ZC3H18: variants seen among roughly 807,000 people sequenced by gnomAD.
The protein encoded by ZC3H18 is zinc finger CCCH-type containing 18.
ZC3H18 carries 8 observed loss-of-function variants against 106.1 expected under a neutral mutation model. That is an observed-to-expected ratio of 0.08 (90% CI 0.04 to 0.14). ZC3H18 has a LOEUF of 0.14. ZC3H18 is among the 10% of genes least tolerant of loss of function. The pLI is 1.00. For missense variants in ZC3H18, 1,318 were observed against 1,278.4 expected (o/e 1.03, Z -0.47); for synonymous variants, 635 against 522.1 (o/e 1.22, Z -2.95).
At chr16:88,622,105 T>G in intron 8 of ZC3H18, 92 bp from the exon 9 acceptor site, 107 of 1,402,050 alleles carry the variant, frequency 7.6e-5, no homozygotes, top group Non-Finnish European at 9.2e-5. Context: ...AAGCCAGGTA[T>G]GAGATCCATA....
chr16:88,607,223 C>G (rs534454712), intron 6 of ZC3H18, among the ~76,000 whole-genome samples: 1 of 152,256 alleles, frequency 6.6e-6, no homozygotes, highest in East Asian at 1.9e-4. Flanking sequence ...GACCTCCTGC[C>G]TCCTCCTTCT....
intron 6 of ZC3H18, among the ~76,000 whole-genome samples, chr16:88,601,361 C>G (rs1904741713): frequency 6.6e-6 from 1 of 152,180 alleles, no homozygotes; most frequent in African/African-American, 2.4e-5. Context: ...TTCCCCAGAG[C>G]TCGTGTGCAC....
chr16:88,608,168 T>C (rs932153793), intron 6 of ZC3H18, among the ~76,000 whole-genome samples: 14 of 152,224 alleles, frequency 9.2e-5, no homozygotes, highest in African/African-American at 3.1e-4. Context: ...CTCCTTGTTT[T>C]CGTGTTCTTG....
chr16:88,596,650 T>C (rs1904454681), intron 3 of ZC3H18, among the ~76,000 whole-genome samples: 1 of 151,690 alleles, frequency 6.6e-6, no homozygotes, highest in African/African-American at 2.4e-5. Context: ...AGACTCCATC[T>C]GAAAAAAAAA....
chr16:88,630,272 C>T (rs909233536), intron 16 of ZC3H18: 1 of 509,810 alleles, frequency 2.0e-6, no homozygotes, highest in Non-Finnish European at 3.5e-6. Context: ...AACCTGGGGC[C>T]CAGGTTTGGC....
At chr16:88,625,546 T>A in intron 13 of ZC3H18, 1 of 461,650 alleles carries the variant, frequency 2.2e-6, no homozygotes, top group Non-Finnish European at 4.0e-6. Flanking sequence ...GCTGACTTGA[T>A]GCCCAGCACC....
At chr16:88,594,825 C>T (rs1904344744) in intron 3 of ZC3H18, among the ~76,000 whole-genome samples, 1 of 152,010 alleles carries the variant, frequency 6.6e-6, no homozygotes, top group South Asian at 2.1e-4. Flanking sequence ...TAAAATAATA[C>T]AGTGTTTACA....
chr16:88,577,807 G>A, intron 2 of ZC3H18, 81 bp downstream of exon 2: 1 of 1,602,480 alleles, frequency 6.2e-7, no homozygotes, highest in Non-Finnish European at 8.5e-7. Flanking sequence ...GAGGGACTCT[G>A]TGTGGGACTG....
chr16:88,615,894 ACTT>A (rs1905570522), intron 8 of ZC3H18, among the ~76,000 whole-genome samples: 1 of 152,184 alleles, frequency 6.6e-6, no homozygotes, highest in Non-Finnish European at 1.5e-5. Context: ...ACAAGAATGT[ACTT>A]CTGGAGTACG....
At chr16:88,597,833 G>A (rs1429956138) in intron 3 of ZC3H18, among the ~76,000 whole-genome samples, 1 of 152,232 alleles carries the variant, frequency 6.6e-6, no homozygotes, top group African/African-American at 2.4e-5. Context: ...GATGAGCCTG[G>A]GCCAGGGCTG....
chr16:88,617,791 G>A (rs763557461), intron 8 of ZC3H18, among the ~76,000 whole-genome samples: 5 of 152,208 alleles, frequency 3.3e-5, no homozygotes, highest in East Asian at 1.9e-4. Flanking sequence ...CGCAGAGTCC[G>A]CACCCCTTTG....
intron 1 of ZC3H18, among the ~76,000 whole-genome samples, chr16:88,573,419 G>C (rs1292652546): frequency 6.6e-6 from 1 of 152,062 alleles, no homozygotes; most frequent in Non-Finnish European, 1.5e-5. Context: ...TCCCAGTCTT[G>C]AACAGTCAGT....
chr16:88,598,268 T>A lies in ZC3H18; in HGVS notation c.779T>A (p.Phe260Tyr). 1 of 1,613,204 alleles carries A rather than the reference T, an allele frequency of 6.2e-7. No homozygotes were observed. The highest frequency in any genetic ancestry group is 8.5e-7 in the Non-Finnish European group (1 of 1,179,692). The change falls in exon 4 of 18, where the codon TTC becomes TAC. Residue 260 changes from phenylalanine (F) to tyrosine (Y), a missense_variant. Around this residue, in one of 6 missense-constraint regions of ZC3H18, gnomAD observed 78 missense variants for 67.3 expected, o/e 1.16. Coordinates refer to ENST00000301011, the MANE Select transcript of ZC3H18 (RefSeq NM_144604.4). ...NYSLITKADP[F>Y]PPNGAPPLGP... ...TCCCTAATCACCAAAGCCGACCCCTTCCCGCCTAATGGTGCCCCGCCTCTC... is the reference window on the plus strand; with the variant it reads ...TCCCTAATCACCAAAGCCGACCCCTACCCGCCTAATGGTGCCCCGCCTCTC...
At chr16:88,630,237 G>A (rs992218244) in intron 16 of ZC3H18, 8 of 489,648 alleles carry the variant, frequency 1.6e-5, no homozygotes, top group African/African-American at 1.4e-4. Flanking sequence ...TTGTCTCTCT[G>A]CGTGAGATAT....
chr16:88,576,981 TG>T, intron 1 of ZC3H18, 128 bp from the exon 2 acceptor site: 7 of 859,330 alleles, frequency 8.1e-6, no homozygotes, highest in South Asian at 2.1e-5. Context: ...GAGTGGAGTG[TG>T]GGATTTGGGG....
rs1193415867 is a variant in ZC3H18 at position 88,584,023 on chromosome 16, C to G, written c.604-2577C>G. ...TCTTGAGTTGTCTTTGCATGATATT[C>G]TAAAATTTAAGAACTTGTTTTAATT... On this transcript the variant is annotated intron_variant, in intron 2 of 17. Coordinates refer to ENST00000301011, the MANE Select transcript of ZC3H18 (RefSeq NM_144604.4). 3.3e-5 allele frequency among the ~76,000 whole-genome samples: 5 copies of G among 152,102 alleles called. No individual in the cohort carries two copies. The South Asian group carries it at 1.0e-3, about 32-fold the overall frequency.
intron 1 of ZC3H18, among the ~76,000 whole-genome samples, chr16:88,575,773 A>T (rs1329413589): frequency 1.3e-5 from 2 of 151,402 alleles, no homozygotes; most frequent in Non-Finnish European, 3.0e-5. Context: ...AAGCACATTG[A>T]TGCAGTCTTG....
chr16:88,609,951 T>C (rs1158124191), intron 7 of ZC3H18, among the ~76,000 whole-genome samples: 3 of 152,122 alleles, frequency 2.0e-5, no homozygotes, highest in Non-Finnish European at 4.4e-5. Flanking sequence ...GATGCCTGTG[T>C]CCAGGGGTGC....
intron 3 of ZC3H18, among the ~76,000 whole-genome samples, chr16:88,589,600 C>T (rs765305875): frequency 4.6e-5 from 7 of 151,566 alleles, no homozygotes; most frequent in Non-Finnish European, 1.0e-4. Flanking sequence ...GTGACTCACG[C>T]CGCAACGTGG....
Sources: allele counts gnomAD v4.1 joint callset (sites outside exome capture counted in the v4.1 genomes callset), GRCh38; gene constraint gnomAD v4.1.1; regional missense constraint gnomAD v4.1.1; transcripts MANE v1.5; gene names NCBI Gene and HGNC (gene_info 2026-07-23, HGNC 2026-07-21).